The following PGM5 variants were observed in gnomAD, a reference collection of about 807,000 sequenced individuals.
PGM5 encodes the protein phosphoglucomutase 5, also known as phosphoglucomutase-like protein 5.
PGM5 carries 23 observed loss-of-function variants against 59.2 expected under a neutral mutation model. The ratio of observed to expected loss-of-function variants is 0.39; its 90% CI spans 0.28 to 0.55. The LOEUF (loss-of-function observed/expected upper bound fraction) is 0.55, where lower values mean the gene tolerates loss of function less well. PGM5 is among the 20% of genes least tolerant of loss of function. The pLI is 0.66. For synonymous variants in PGM5, 214 were observed against 286.0 expected (o/e 0.75, Z 2.54); for missense variants, 574 against 748.3 (o/e 0.77, Z 2.72).
chr9:68,411,499 T>TATATATAC (rs1347180459), intron 6 of PGM5, among the ~76,000 whole-genome samples: 1 of 148,482 alleles, frequency 6.7e-6, no homozygotes, highest in East Asian at 2.1e-4. Flanking sequence ...TATATATATA[T>TATATATAC]ATATGATTTT....
intron 10 of PGM5, among the ~76,000 whole-genome samples, chr9:68,500,602 T>C: frequency 6.6e-6 from 1 of 152,186 alleles, no homozygotes; most frequent in East Asian, 1.9e-4. Context: ...GGTTAGTGCG[T>C]ACATTTCTCC....
chr9:68,489,387 G>A (rs1331240696), intron 9 of PGM5, among the ~76,000 whole-genome samples: 5 of 152,008 alleles, frequency 3.3e-5, no homozygotes, highest in Non-Finnish European at 5.9e-5. Flanking sequence ...CAAAATTTAA[G>A]CAACTGAGTC....
chr9:68,388,973 T>C (rs1298998608), intron 4 of PGM5, among the ~76,000 whole-genome samples: 38 of 152,156 alleles, frequency 2.5e-4, no homozygotes, highest in African/African-American at 8.9e-4. Context: ...TGGAAAAGTT[T>C]TTGAATTACT....
intron 7 of PGM5, among the ~76,000 whole-genome samples, chr9:68,475,724 T>C (rs78053968): frequency 6.6e-6 from 1 of 152,302 alleles, no homozygotes; most frequent in East Asian, 1.9e-4. Flanking sequence ...TGAATAAACA[T>C]GGTTTTCTGT....
chr9:68,433,676 C>A (rs984556819), intron 6 of PGM5, among the ~76,000 whole-genome samples: 2 of 152,192 alleles, frequency 1.3e-5, no homozygotes, highest in Non-Finnish European at 2.9e-5. Flanking sequence ...CACATTTGAC[C>A]TGTTGGCCGA....
At chr9:68,499,122 T>G in intron 9 of PGM5, 105 bp from the exon 10 acceptor site, 2 of 1,198,408 alleles carry the variant, frequency 1.7e-6, no homozygotes, top group South Asian at 2.7e-5. Flanking sequence ...TTGATTCTGA[T>G]TGTGTTGAGG....
chr9:68,447,594 A>G (rs1823633554), intron 6 of PGM5, among the ~76,000 whole-genome samples: 1 of 152,198 alleles, frequency 6.6e-6, no homozygotes, highest in Non-Finnish European at 1.5e-5. Flanking sequence ...CACATAGTAA[A>G]TGCTGAAATG....
intron 6 of PGM5, among the ~76,000 whole-genome samples, chr9:68,429,859 A>G (rs782142181): frequency 6.6e-6 from 1 of 152,234 alleles, no homozygotes. Context: ...CCACTCTTCC[A>G]TGCTCATCCT....
At chr9:68,368,009 TATACAC>T (rs1381656711) in intron 1 of PGM5, among the ~76,000 whole-genome samples, 2 of 152,350 alleles carry the variant, frequency 1.3e-5, no homozygotes, top group Non-Finnish European at 2.9e-5. Context: ...TACAGATAGA[TATACAC>T]ATACTTAATT....
In PGM5 at chr9:68,465,182, T is replaced by C; in HGVS notation, c.1133T>C (p.Leu378Pro). The C allele has an allele frequency of 3.1e-6, 5 of 1,612,824 alleles. No homozygotes were observed. Among genetic ancestry groups the C allele is most frequent in the Non-Finnish European group, 4.2e-6 (5 of 1,178,892 alleles). Residue 378 changes from leucine (L) to proline (P), a missense_variant, in exon 7 of 11, where the codon CTG becomes CCG. Physicochemically the swap from Leu to Pro is moderately conservative, Grantham distance 98 (BLOSUM62 -3). Coordinates refer to ENST00000396396, the MANE Select transcript of PGM5 (RefSeq NM_021965.4). ...CTGATGGACTCAGGACGTTGCAATC[T>C]GTGTGGGGAAGAGAGCTTTGGCACT... is the stretch of plus-strand genomic sequence containing the variant. ...SNLMDSGRCN[L>P]CGEESFGTGS...
intron 6 of PGM5, among the ~76,000 whole-genome samples, chr9:68,450,770 AACTC>A (rs1251859782): frequency 7.9e-5 from 12 of 152,192 alleles, no homozygotes; most frequent in African/African-American, 2.9e-4. Flanking sequence ...TTTTCAGAGA[AACTC>A]AGTCAATAGC....
At chr9:68,470,775 G>A (rs1211648892) in intron 7 of PGM5, among the ~76,000 whole-genome samples, 3 of 152,052 alleles carry the variant, frequency 2.0e-5, no homozygotes, top group East Asian at 1.9e-4. Flanking sequence ...GCAGATGTGC[G>A]GTGTGGAGGC....
At chr9:68,513,335 C>T (rs1824780591) in intron 10 of PGM5, among the ~76,000 whole-genome samples, 1 of 152,124 alleles carries the variant, frequency 6.6e-6, no homozygotes, top group Non-Finnish European at 1.5e-5. Context: ...AATCAAATTC[C>T]TTTTTCAGGT....
rs1554688426 is a variant in PGM5, at chr9:68,499,323, T to C, written c.1576T>C (p.Tyr526His). 3 of 1,614,142 alleles carry C rather than the reference T, an allele frequency of 1.9e-6. No homozygotes were observed. The highest frequency in any genetic ancestry group is 1.7e-6 in the Non-Finnish European group (2 of 1,179,988). Residue 526 changes from tyrosine (Y) to histidine (H), a missense_variant, in exon 10 of 11, where the codon TAC (tyrosine) becomes CAC (histidine). Physicochemically the swap from Tyr to His is moderately conservative, Grantham distance 83 (BLOSUM62 2). This residue lies in a region of PGM5 where 300 missense variants were observed against 280.0 expected (regional missense o/e 1.07). Transcript: ENST00000396396. Reference protein sequence around the residue: ...RATLRLYAESYERDPSGHDQE... With the variant: ...RATLRLYAESHERDPSGHDQE... ...CACCCTCAGACTGTACGCAGAGAGCTACGAGAGGGATCCCAGCGGCCATGA... is the reference window on the plus strand; with the variant it reads ...CACCCTCAGACTGTACGCAGAGAGCCACGAGAGGGATCCCAGCGGCCATGA...
rs1821920282 is a variant in PGM5, at chr9:68,376,835, C to CTTTCTTTCCTTCTTTCTTTCTTTCT, written c.262-1356_262-1355insCTTCTTTCTTTCTTTCTTTTCTTTC. Among the ~76,000 whole-genome samples the CTTTCTTTCCTTCTTTCTTTCTTTCT allele has an allele frequency of 1.2e-4, 7 of 58,598 alleles. 1 individual carries two copies. Among genetic ancestry groups the CTTTCTTTCCTTCTTTCTTTCTTTCT allele is most frequent in the African/African-American group, 5.8e-4 (7 of 12,076 alleles). The allele number at this position is 58,598 out of a possible 152,430, so 38.4% of individuals were successfully genotyped here. ...TTTCTTTCTTTCTTTCTTTCTTTCT[C>CTTTCTTTCCTTCTTTCTTTCTTTCT]TTTCTTTCTTTCTTTCTCTTTCTTT... On this transcript the variant is annotated intron_variant, in intron 1 of 10. Transcript: ENST00000396396.
At chr9:68,412,742 G>C (rs533052484) in intron 6 of PGM5, among the ~76,000 whole-genome samples, 1 of 152,206 alleles carries the variant, frequency 6.6e-6, no homozygotes, top group African/African-American at 2.4e-5. Context: ...TTTCTTAACA[G>C]TTTCTTTCTT....
At chr9:68,514,225 C>A (rs1235756842) in intron 10 of PGM5, among the ~76,000 whole-genome samples, 2 of 152,080 alleles carry the variant, frequency 1.3e-5, no homozygotes, top group African/African-American at 2.4e-5. Context: ...GCCATCTACT[C>A]AGGAGGCTGA....
chr9:68,501,053 T>C (rs1248136099), intron 10 of PGM5, among the ~76,000 whole-genome samples: 1 of 152,152 alleles, frequency 6.6e-6, no homozygotes, highest in Non-Finnish European at 1.5e-5. Context: ...ACATAAGTCA[T>C]GCTGGTTTTG....
chr9:68,461,239 G>A (rs1349078847), intron 6 of PGM5, among the ~76,000 whole-genome samples: 5 of 152,114 alleles, frequency 3.3e-5, no homozygotes, highest in Admixed American at 3.3e-4. Context: ...CATCAAGCTG[G>A]CAGAAGGAGA....
Sources: allele counts gnomAD v4.1 joint callset (sites outside exome capture counted in the v4.1 genomes callset), GRCh38; gene constraint gnomAD v4.1.1; regional missense constraint gnomAD v4.1.1; transcripts MANE v1.5; gene names NCBI Gene and HGNC (gene_info 2026-07-23, HGNC 2026-07-21).